The following CSMD1 variants were observed in gnomAD, a reference collection of about 807,000 sequenced individuals.
CSMD1 encodes CUB and sushi domain-containing protein 1.
In CSMD1, 213 loss-of-function variants were observed where a neutral mutation model predicts 417.5. The observed-to-expected ratio is 0.51, with a 90% CI of 0.46 to 0.57. CSMD1 has a LOEUF of 0.57. CSMD1 is among the 20% of genes least tolerant of loss of function. The pLI is 0.00. For missense variants in CSMD1, 6,923 were observed against 4,529.7 expected, an observed-to-expected ratio of 1.53 and a Z score of -15.17; for synonymous variants, 2,862 against 1,736.8, an observed-to-expected ratio of 1.65 and a Z score of -16.11.
At chr8:3,630,058 AGAG>A (rs1235855742) in intron 7 of CSMD1, among the ~76,000 whole-genome samples, 1 of 83,966 alleles carries the variant, frequency 1.2e-5, no homozygotes, top group African/African-American at 3.7e-5. Context: ...TTTCTACATT[AGAG>A]ATCAAAATCC....
At chr8:3,219,520 A>G in intron 28 of CSMD1, 78 bp from the exon 29 acceptor site, 3 of 1,047,646 alleles carry the variant, frequency 2.9e-6, no homozygotes, top group African/African-American at 1.7e-5. Context: ...TTGAGCTCAG[A>G]AAGTGATTTT....
chr8:3,470,602 T>C (rs1472908459), intron 11 of CSMD1, among the ~76,000 whole-genome samples: 1 of 152,152 alleles, frequency 6.6e-6, no homozygotes, highest in Non-Finnish European at 1.5e-5. Context: ...TCCACCGCCA[T>C]AGTCAATGCA....
chr8:3,307,252 G>C (rs78565374), intron 25 of CSMD1, among the ~76,000 whole-genome samples: 1 of 151,918 alleles, frequency 6.6e-6, no homozygotes, highest in Non-Finnish European at 1.5e-5. Context: ...CCCTCCCACC[G>C]TGACTAGCCT....
rs371687164 is a variant in CSMD1, at chr8:4,272,760, C to G, written c.415+147193G>C. Among the ~76,000 whole-genome samples, 12 of 152,252 alleles carry G rather than the reference C, an allele frequency of 7.9e-5. No individual in the cohort carries two copies. The East Asian group carries it at 2.3e-3, about 29-fold the overall frequency. On this transcript the variant is annotated intron_variant, in intron 3 of 69. Transcript: ENST00000635120. ...TTTCATTCTGTAATTCTTGAATGAA[C>G]TCTCAGTAAAGGAGGTTAGTATGAG... is the stretch of plus-strand genomic sequence containing the variant.
At chr8:3,026,420 C>A (rs555807511) in intron 51 of CSMD1, among the ~76,000 whole-genome samples, 1 of 151,970 alleles carries the variant, frequency 6.6e-6, no homozygotes, top group Non-Finnish European at 1.5e-5. Context: ...CTGGACCTCA[C>A]TGGACTTCAC....
intron 1 of CSMD1, among the ~76,000 whole-genome samples, chr8:4,756,894 C>T (rs915083610): frequency 6.6e-6 from 1 of 152,150 alleles, no homozygotes; most frequent in African/African-American, 2.4e-5. Context: ...ACTTGGCAGT[C>T]CAAATCATCC....
intron 3 of CSMD1, among the ~76,000 whole-genome samples, chr8:4,219,660 G>T (rs770097560): frequency 2.6e-5 from 4 of 152,166 alleles, no homozygotes; most frequent in Non-Finnish European, 4.4e-5. Flanking sequence ...TGAAGAGTGA[G>T]ATCATTTGGA....
rs1007784942 is a variant in CSMD1 at position 4,765,160 on chromosome 8, C to A, written c.86-127602G>T. Among the ~76,000 whole-genome samples the A allele has an allele frequency of 4.6e-5, 7 of 152,024 alleles. No homozygotes were observed. The East Asian group carries it at 7.7e-4, about 17-fold the overall frequency. ...TTCACACAGTTAATATAGCTCGTGA[C>A]TTTTTTTCTTTATTTTTTAGAAACT... On this transcript the variant is annotated intron_variant, in intron 1 of 69. Transcript: ENST00000635120.
At chr8:4,297,443 C>T (rs76829208) in intron 3 of CSMD1, among the ~76,000 whole-genome samples, 1 of 152,156 alleles carries the variant, frequency 6.6e-6, no homozygotes, top group African/African-American at 2.4e-5. Flanking sequence ...GAAAAACAGA[C>T]ATCAGTTGCT....
chr8:3,388,563 T>TA (rs1255105682), intron 17 of CSMD1, among the ~76,000 whole-genome samples: 1 of 152,206 alleles, frequency 6.6e-6, no homozygotes, highest in Non-Finnish European at 1.5e-5. Flanking sequence ...AAAGACTGTT[T>TA]AGTCTCTAAA....
intron 1 of CSMD1, among the ~76,000 whole-genome samples, chr8:4,687,192 G>C (rs961826850): frequency 9.9e-5 from 15 of 152,184 alleles, no homozygotes; most frequent in Admixed American, 3.3e-4. Flanking sequence ...GTGAGCATCA[G>C]AGCCAAGGAA....
At chr8:3,958,599 C>T (rs2740841) in intron 5 of CSMD1, among the ~76,000 whole-genome samples, 17,165 of 152,088 alleles carry the variant, frequency 0.11, 1,047 homozygotes, top group East Asian at 0.14. Context: ...CATTCACATA[C>T]CCGCATTTGA....
intron 3 of CSMD1, among the ~76,000 whole-genome samples, chr8:4,155,475 C>T (rs928988255): frequency 1.3e-5 from 2 of 152,134 alleles, no homozygotes; most frequent in Non-Finnish European, 2.9e-5. Flanking sequence ...TATGTGTTTC[C>T]TTCTAGTTAA....
intron 4 of CSMD1, among the ~76,000 whole-genome samples, chr8:4,011,754 A>G (rs1816555466): frequency 6.6e-6 from 1 of 152,176 alleles, no homozygotes; most frequent in African/African-American, 2.4e-5. Flanking sequence ...ATTTTCTCCC[A>G]GTGGTTACAT....
chr8:4,552,827 C>G (rs944652013), intron 2 of CSMD1, among the ~76,000 whole-genome samples: 1 of 152,162 alleles, frequency 6.6e-6, no homozygotes, highest in African/African-American at 2.4e-5. Flanking sequence ...TAGCCCACTG[C>G]AATTATGCTC....
Position 4,798,209 on chromosome 8 carries a change from G to A in CSMD1, c.86-160651C>T, listed in dbSNP as rs142379143. 9.9e-4 allele frequency among the ~76,000 whole-genome samples: 151 copies of A among 152,014 alleles called. 1 individual carries two copies. Among genetic ancestry groups the A allele is most frequent in the African/African-American group, 3.4e-3 (140 of 41,442 alleles). On this transcript the variant is annotated intron_variant, in intron 1 of 69. Coordinates refer to ENST00000635120, the MANE Select transcript of CSMD1 (RefSeq NM_033225.6). ...CCCGGTGTGTGATGTTCCCCTTCTT[G>A]TGTCCAAGTGTTCTCATTGTTCAGT... is the stretch of plus-strand genomic sequence containing the variant.
chr8:4,812,452 C>T (rs946704658), intron 1 of CSMD1, among the ~76,000 whole-genome samples: 5 of 152,108 alleles, frequency 3.3e-5, no homozygotes, highest in Non-Finnish European at 5.9e-5. Flanking sequence ...GTACTTGAAA[C>T]GTTCCCGACA....
At chr8:3,932,602 C>A (rs138839680) in intron 5 of CSMD1, among the ~76,000 whole-genome samples, 3 of 150,500 alleles carry the variant, frequency 2.0e-5, no homozygotes, top group Non-Finnish European at 4.4e-5. Flanking sequence ...AATCCACAAA[C>A]AGTATCATAT....
At chr8:4,976,619 T>C (rs937025424) in intron 1 of CSMD1, among the ~76,000 whole-genome samples, 1 of 152,148 alleles carries the variant, frequency 6.6e-6, no homozygotes, top group African/African-American at 2.4e-5. Flanking sequence ...GACAAGCACA[T>C]TGTGTGCTAA....
Sources: allele counts gnomAD v4.1 joint callset (sites outside exome capture counted in the v4.1 genomes callset), GRCh38; gene constraint gnomAD v4.1.1; transcripts MANE v1.5; gene names NCBI Gene and HGNC (gene_info 2026-07-23, HGNC 2026-07-21).